PKNOX2: variants seen among roughly 807,000 people sequenced by gnomAD.
The protein encoded by PKNOX2 is PBX/knotted 1 homeobox 2.
Under a neutral mutation model 53.1 loss-of-function variants are expected in PKNOX2, and 14 were observed. That is an observed-to-expected ratio of 0.26 (90% CI 0.17 to 0.41). The LOEUF (loss-of-function observed/expected upper bound fraction) is 0.41. Among genes scored for constraint, PKNOX2 ranks in the 10% least tolerant of loss-of-function variants. PKNOX2 has a pLI of 1.00. For synonymous variants in PKNOX2, 257 were observed against 242.8 expected (o/e 1.06, Z -0.54); for missense variants, 496 against 602.8 (o/e 0.82, Z 1.85).
intron 5 of PKNOX2, among the ~76,000 whole-genome samples, chr11:125,371,269 G>A (rs534088191): frequency 6.6e-6 from 1 of 152,220 alleles, no homozygotes; most frequent in Non-Finnish European, 1.5e-5. Flanking sequence ...TGTGGCCCAG[G>A]AGCAGCACTG....
intron 2 of PKNOX2, among the ~76,000 whole-genome samples, chr11:125,282,799 C>G (rs1434608253): frequency 6.6e-6 from 1 of 152,222 alleles, no homozygotes; most frequent in Non-Finnish European, 1.5e-5. Flanking sequence ...TCACTATTCA[C>G]ATGTAGCAAT....
intron 2 of PKNOX2, among the ~76,000 whole-genome samples, chr11:125,273,916 G>T (rs1945986077): frequency 6.6e-6 from 1 of 152,208 alleles, no homozygotes; most frequent in Non-Finnish European, 1.5e-5. Context: ...CATGGACACG[G>T]ATGGTCATGT....
chr11:125,231,652 A>C (rs1230551710), intron 1 of PKNOX2, among the ~76,000 whole-genome samples: 1 of 152,172 alleles, frequency 6.6e-6, no homozygotes, highest in Non-Finnish European at 1.5e-5. Flanking sequence ...TCAGTGGTGC[A>C]TATTGATGAG....
intron 1 of PKNOX2, among the ~76,000 whole-genome samples, chr11:125,199,629 A>G (rs1938202066): frequency 6.6e-6 from 1 of 152,146 alleles, no homozygotes; most frequent in African/African-American, 2.4e-5. Context: ...GGATCACTTG[A>G]GGTCAGGGGT....
chr11:125,308,628 A>T lies in PKNOX2; in HGVS notation c.-129-23191A>T, dbSNP rs117018117. Among the ~76,000 whole-genome samples, 45 of 152,074 alleles carry T rather than the reference A, an allele frequency of 3.0e-4. No homozygotes were observed. The East Asian group carries it at 8.3e-3, about 28-fold the overall frequency. On this transcript the variant is annotated intron_variant, in intron 2 of 12. Transcript: ENST00000298282. ...TGCCCCAATCAGAAATATCTTCCCC[A>T]CTCAGGAGTTTCATAATAACCAAGA...
intron 1 of PKNOX2, among the ~76,000 whole-genome samples, chr11:125,207,628 C>T (rs1939292567): frequency 6.6e-6 from 1 of 151,996 alleles, no homozygotes; most frequent in African/African-American, 2.4e-5. Context: ...ACCAAAATAT[C>T]CAGTAAGGGA....
Position 125,220,979 on chromosome 11 carries a change from C to A in PKNOX2, c.-200-14066C>A, listed in dbSNP as rs188391023. On this transcript the variant is annotated intron_variant, in intron 1 of 12. Transcript: ENST00000298282. ...TCACAGCCTGGCCCACATAGTGAAA[C>A]CCCGACTCTACTAGAAATACAAAAA... Among the ~76,000 whole-genome samples, 272 of 152,164 alleles carry A rather than the reference C, an allele frequency of 1.8e-3. 1 individual carries two copies. The highest frequency in any genetic ancestry group is 6.0e-3 in the African/African-American group (250 of 41,532).
intron 2 of PKNOX2, among the ~76,000 whole-genome samples, chr11:125,278,340 G>C (rs1431492903): frequency 6.6e-6 from 1 of 152,218 alleles, no homozygotes; most frequent in East Asian, 1.9e-4. Flanking sequence ...TGAGGAAACA[G>C]GTCCTCGTAG....
intron 1 of PKNOX2, among the ~76,000 whole-genome samples, chr11:125,231,902 C>G (rs1244164106): frequency 6.6e-6 from 1 of 152,190 alleles, no homozygotes. Flanking sequence ...CACTATCAGC[C>G]TTCGAATGCT....
chr11:125,302,855 T>C (rs1344807199), intron 2 of PKNOX2, among the ~76,000 whole-genome samples: 1 of 152,208 alleles, frequency 6.6e-6, no homozygotes, highest in Admixed American at 6.5e-5. Context: ...AGGCAATACC[T>C]GAGCTGGGAG....
At chr11:125,341,566 G>A (rs775607977) in intron 3 of PKNOX2, among the ~76,000 whole-genome samples, 2 of 152,220 alleles carry the variant, frequency 1.3e-5, no homozygotes, top group Non-Finnish European at 1.5e-5. Context: ...GGGACATGCG[G>A]GTGAGGAGCA....
intron 6 of PKNOX2, 41 bp from the exon 7 acceptor site, chr11:125,397,831 TGG>T: frequency 1.9e-6 from 3 of 1,556,184 alleles, no homozygotes; most frequent in Non-Finnish European, 2.6e-6. Context: ...GTGAGGGAAA[TGG>T]GATGCAAACA....
chr11:125,196,956 A>G lies in PKNOX2; in HGVS notation c.-201+32180A>G, dbSNP rs138037503. 4.7e-3 allele frequency among the ~76,000 whole-genome samples: 718 copies of G among 152,306 alleles called. 8 individuals carry two copies. Among genetic ancestry groups the G allele is most frequent in the African/African-American group, 0.016 (653 of 41,562 alleles). Reference sequence around the variant, plus strand: ...GAAGGTACTTCCCTGGGATCACTGGATTTTACCCTATTGGGTAAAGCCGTA... The same window carrying G: ...GAAGGTACTTCCCTGGGATCACTGGGTTTTACCCTATTGGGTAAAGCCGTA... On this transcript the variant is annotated intron_variant, in intron 1 of 12. Transcript: ENST00000298282.
intron 3 of PKNOX2, among the ~76,000 whole-genome samples, chr11:125,347,782 A>G (rs1437446266): frequency 6.6e-6 from 1 of 152,166 alleles, no homozygotes; most frequent in African/African-American, 2.4e-5. Flanking sequence ...CCTAGATGTC[A>G]TATCATAAAG....
chr11:125,222,825 TG>T (rs2135510797), intron 1 of PKNOX2, among the ~76,000 whole-genome samples: 1 of 152,000 alleles, frequency 6.6e-6, no homozygotes, highest in East Asian at 1.9e-4. Flanking sequence ...GTGTGTGTGT[TG>T]CATCGAAAGG....
At chr11:125,342,447 C>T (rs1360508574) in intron 3 of PKNOX2, among the ~76,000 whole-genome samples, 5 of 152,134 alleles carry the variant, frequency 3.3e-5, no homozygotes, top group Admixed American at 6.5e-5. Context: ...TCCCAGTGAG[C>T]GTCAGGGCCC....
intron 10 of PKNOX2, among the ~76,000 whole-genome samples, chr11:125,420,838 G>C (rs1387493976): frequency 6.6e-6 from 1 of 152,008 alleles, no homozygotes; most frequent in Admixed American, 6.6e-5. Flanking sequence ...GTGTCAATAG[G>C]GCACAAAAAG....
chr11:125,411,032 T>G, intron 9 of PKNOX2, 156 bp downstream of exon 9: 1 of 656,304 alleles, frequency 1.5e-6, no homozygotes, highest in Non-Finnish European at 2.6e-6. Flanking sequence ...AGAAGCTGGG[T>G]CTTGGAAAGG....
In PKNOX2 at chr11:125,332,218, A is replaced by G. The variant is rs376113009; in HGVS notation, c.-23+293A>G. Among the ~76,000 whole-genome samples, 13 of 152,298 alleles carry G rather than the reference A, an allele frequency of 8.5e-5. No individual in the cohort carries two copies. The South Asian group carries it at 1.2e-3, about 15-fold the overall frequency. ...GATGGGTGGGGCCTTGCTTAGTATCAAGATGATGATCACATTTGTACCGCC... is the reference window on the plus strand; with the variant it reads ...GATGGGTGGGGCCTTGCTTAGTATCGAGATGATGATCACATTTGTACCGCC... On this transcript the variant is annotated intron_variant, in intron 3 of 12. Transcript: ENST00000298282.
Sources: gnomAD v4.1 joint callset for allele counts (sites outside exome capture counted in the v4.1 genomes callset) on GRCh38, gnomAD v4.1.1 for gene constraint, MANE v1.5 for transcripts, NCBI Gene and HGNC (gene_info 2026-07-23, HGNC 2026-07-21) for gene names.